The following NEGR1 variants were observed in gnomAD, a reference collection of about 807,000 sequenced individuals.
The protein encoded by NEGR1 is IgLON family member 4.
Under a neutral mutation model 40.9 loss-of-function variants are expected in NEGR1, and 10 were observed. The ratio of observed to expected loss-of-function variants is 0.24; its 90% CI spans 0.15 to 0.42. The LOEUF (loss-of-function observed/expected upper bound fraction) is 0.42. Among genes scored for constraint, NEGR1 ranks in the 10% least tolerant of loss-of-function variants. NEGR1 has a pLI of 1.00. For missense variants in NEGR1, 352 were observed against 438.9 expected (o/e 0.80, Z 1.77); for synonymous variants, 185 against 166.8 (o/e 1.11, Z -0.84).
intron 2 of NEGR1, among the ~76,000 whole-genome samples, chr1:71,907,389 T>A (rs1019760166): frequency 6.6e-6 from 1 of 152,106 alleles, no homozygotes; most frequent in Non-Finnish European, 1.5e-5. Context: ...AGAGACATAA[T>A]TTGAAAAAGA....
At chr1:71,649,219 A>G (rs11209811) in intron 4 of NEGR1, among the ~76,000 whole-genome samples, 28 of 152,144 alleles carry the variant, frequency 1.8e-4, no homozygotes, top group African/African-American at 6.5e-4. Flanking sequence ...GTATGTGCAG[A>G]AAAAGCAAAA....
At chr1:71,571,757 C>A (rs564299867) in intron 6 of NEGR1, among the ~76,000 whole-genome samples, 1 of 139,908 alleles carries the variant, frequency 7.1e-6, no homozygotes, top group Admixed American at 7.8e-5. Flanking sequence ...GGTGCCACTC[C>A]AGCCTGGGTG....
chr1:72,041,816 T>A (rs201725635), intron 1 of NEGR1, among the ~76,000 whole-genome samples: 2 of 146,906 alleles, frequency 1.4e-5, no homozygotes, highest in East Asian at 3.9e-4. Context: ...ATGTAATATT[T>A]AAAATATACA....
At chr1:71,767,064 A>G (rs1190341499) in intron 3 of NEGR1, among the ~76,000 whole-genome samples, 1 of 152,184 alleles carries the variant, frequency 6.6e-6, no homozygotes, top group African/African-American at 2.4e-5. Context: ...ATTTCTTTAT[A>G]GCAGTGCAAG....
At chr1:71,821,781 C>G (rs1658437600) in intron 2 of NEGR1, among the ~76,000 whole-genome samples, 1 of 151,972 alleles carries the variant, frequency 6.6e-6, no homozygotes, top group Non-Finnish European at 1.5e-5. Context: ...CTGGTAGAGA[C>G]AGAGCACCTG....
chr1:71,857,698 G>GA (rs749246829), intron 2 of NEGR1, among the ~76,000 whole-genome samples: 1 of 147,414 alleles, frequency 6.8e-6, no homozygotes, highest in East Asian at 2.0e-4. Context: ...GAATGTATGT[G>GA]AAAATGCTTC....
chr1:72,010,638 C>T (rs1045122053), intron 1 of NEGR1, among the ~76,000 whole-genome samples: 1 of 151,840 alleles, frequency 6.6e-6, no homozygotes, highest in Non-Finnish European at 1.5e-5. Flanking sequence ...TCTCCCACCC[C>T]CTCCAGGACT....
At chr1:71,475,979 C>T (rs1216657812) in intron 6 of NEGR1, among the ~76,000 whole-genome samples, 1 of 151,970 alleles carries the variant, frequency 6.6e-6, no homozygotes, top group Non-Finnish European at 1.5e-5. Context: ...ATCATAGTAA[C>T]ATGTGTTTGG....
At chr1:71,534,743 G>A (rs962852474) in intron 6 of NEGR1, among the ~76,000 whole-genome samples, 1 of 151,618 alleles carries the variant, frequency 6.6e-6, no homozygotes, top group Non-Finnish European at 1.5e-5. Flanking sequence ...TTCCTTGTAT[G>A]TGTCAAGCAA....
At chr1:71,792,402 TTGA>T (rs1657150539) in intron 2 of NEGR1, among the ~76,000 whole-genome samples, 1 of 152,168 alleles carries the variant, frequency 6.6e-6, no homozygotes, top group South Asian at 2.1e-4. Context: ...TGTTTCTCAG[TTGA>T]TGAGTAACGT....
At chr1:71,908,661 CT>C (rs1661344001) in intron 2 of NEGR1, among the ~76,000 whole-genome samples, 1 of 152,216 alleles carries the variant, frequency 6.6e-6, no homozygotes, top group South Asian at 2.1e-4. Context: ...AAGTCATTAA[CT>C]TCTGGTGGAT....
At chr1:71,630,114 A>T (rs1650923862) in intron 4 of NEGR1, among the ~76,000 whole-genome samples, 1 of 152,010 alleles carries the variant, frequency 6.6e-6, no homozygotes, top group African/African-American at 2.4e-5. Flanking sequence ...GCTCAAATAA[A>T]TGCATATCCT....
intron 6 of NEGR1, among the ~76,000 whole-genome samples, chr1:71,497,643 G>T (rs17091292): frequency 2.6e-5 from 4 of 151,792 alleles, no homozygotes; most frequent in Non-Finnish European, 5.9e-5. Context: ...TTTTTGAGAA[G>T]CTAAATGGAA....
intron 1 of NEGR1, among the ~76,000 whole-genome samples, chr1:72,134,702 A>G (rs370031740): frequency 6.7e-6 from 1 of 149,898 alleles, no homozygotes; most frequent in Non-Finnish European, 1.5e-5. Context: ...TCAGGCCAAG[A>G]TGAAGTAAAA....
At chr1:71,521,502 ATAAG>A (rs570728425) in intron 6 of NEGR1, among the ~76,000 whole-genome samples, 285 of 152,130 alleles carry the variant, frequency 1.9e-3, no homozygotes, top group Non-Finnish European at 3.2e-3. Flanking sequence ...AACCTTTTGA[ATAAG>A]TAAGAGTTTC....
intron 2 of NEGR1, among the ~76,000 whole-genome samples, chr1:71,787,400 C>T (rs980008204): frequency 6.6e-6 from 1 of 152,110 alleles, no homozygotes; most frequent in Non-Finnish European, 1.5e-5. Flanking sequence ...GGATAAGTAA[C>T]ATATATGAGT....
chr1:71,646,961 G>A (rs1043015071), intron 4 of NEGR1, among the ~76,000 whole-genome samples: 6 of 151,778 alleles, frequency 4.0e-5, no homozygotes, highest in African/African-American at 1.4e-4. Flanking sequence ...TAAGACAATA[G>A]TGAACTATGG....
intron 2 of NEGR1, among the ~76,000 whole-genome samples, chr1:71,873,882 TG>T (rs751195947): frequency 1.3e-5 from 2 of 152,312 alleles, no homozygotes; most frequent in East Asian, 3.9e-4. Flanking sequence ...TGTTGGGCTT[TG>T]AACATAATCC....
At chr1:72,278,911 T>C (rs778721858) in intron 1 of NEGR1, among the ~76,000 whole-genome samples, 40 of 152,206 alleles carry the variant, frequency 2.6e-4, no homozygotes, top group Non-Finnish European at 4.6e-4. Context: ...ATTTTTTAAA[T>C]ACAAAGCTTA....
Sources: gnomAD v4.1 joint callset for allele counts (sites outside exome capture counted in the v4.1 genomes callset) on GRCh38, gnomAD v4.1.1 for gene constraint, MANE v1.5 for transcripts, NCBI Gene and HGNC (gene_info 2026-07-23, HGNC 2026-07-21) for gene names.